Variants in GRIK3 observed in about 807,000 individuals in gnomAD.
The protein encoded by GRIK3 is glutamate ionotropic receptor kainate type subunit 3, also known as glutamate receptor ionotropic, kainate 3.
Under a neutral mutation model 102.5 loss-of-function variants are expected in GRIK3, and 29 were observed. That is an observed-to-expected ratio of 0.28 (90% CI 0.21 to 0.39). The LOEUF (loss-of-function observed/expected upper bound fraction) is 0.39, where lower values mean the gene tolerates loss of function less well. Ranked by LOEUF, GRIK3 falls within the 10% of genes least tolerant of loss-of-function variation. The pLI is 1.00. For missense variants in GRIK3, 908 were observed against 1,252.4 expected, an observed-to-expected ratio of 0.73 and a Z score of 4.15; for synonymous variants, 511 against 504.9, an observed-to-expected ratio of 1.01 and a Z score of -0.16.
intron 11 of GRIK3, among the ~76,000 whole-genome samples, chr1:36,822,085 C>T (rs1239058630): frequency 6.6e-6 from 1 of 152,218 alleles, no homozygotes; most frequent in Non-Finnish European, 1.5e-5. Context: ...CTGATGGGCA[C>T]TTAAGCTGTC....
chr1:37,016,811 A>G (rs1642656451), intron 1 of GRIK3, among the ~76,000 whole-genome samples: 1 of 152,180 alleles, frequency 6.6e-6, no homozygotes, highest in Admixed American at 6.5e-5. Flanking sequence ...AACCAATTAA[A>G]ATTAAAATGA....
At chr1:36,962,838 C>T (rs545803599) in intron 1 of GRIK3, among the ~76,000 whole-genome samples, 15 of 139,728 alleles carry the variant, frequency 1.1e-4, no homozygotes, top group African/African-American at 2.2e-4. Context: ...GAGCCGAGAT[C>T]GTGCCACTGC....
intron 1 of GRIK3, among the ~76,000 whole-genome samples, chr1:37,010,006 G>A (rs369589829): frequency 2.6e-5 from 4 of 152,286 alleles, no homozygotes; most frequent in South Asian, 2.1e-4. Flanking sequence ...CTAGAAAGAG[G>A]GGGGAGCAGA....
Position 36,826,622 on chromosome 1 carries a change from T to C in GRIK3, c.1531-796A>G, listed in dbSNP as rs113147131. 2.2e-3 allele frequency among the ~76,000 whole-genome samples: 339 copies of C among 151,110 alleles called. 5 individuals are homozygous for C. The highest frequency in any genetic ancestry group is 0.017 in the South Asian group (81 of 4,784). ...CTGGGAGGTAGAGGCTGCAGTGAGC[T>C]GTGATCGTGCCACTGCACTCCAGCC... is the stretch of plus-strand genomic sequence containing the variant. On this transcript the variant is annotated intron_variant, in intron 10 of 15. Coordinates refer to ENST00000373091, the MANE Select transcript of GRIK3 (RefSeq NM_000831.4).
chr1:36,881,945 C>T (rs949891016), intron 2 of GRIK3, among the ~76,000 whole-genome samples: 3 of 152,150 alleles, frequency 2.0e-5, no homozygotes, highest in African/African-American at 7.2e-5. Context: ...CCTATTTGCA[C>T]GTGCTGTCCT....
At chr1:36,935,872 C>A (rs1275669085) in intron 1 of GRIK3, among the ~76,000 whole-genome samples, 1 of 152,152 alleles carries the variant, frequency 6.6e-6, no homozygotes, top group Non-Finnish European at 1.5e-5. Flanking sequence ...ACCAATTAAT[C>A]GCAAATTGAT....
intron 11 of GRIK3, among the ~76,000 whole-genome samples, chr1:36,821,865 C>T (rs762056550): frequency 1.3e-5 from 2 of 152,166 alleles, no homozygotes; most frequent in Middle Eastern, 3.2e-3. Context: ...TGAGATCTCC[C>T]GAGTCCTGCT....
intron 1 of GRIK3, among the ~76,000 whole-genome samples, chr1:37,022,063 A>G (rs1642720347): frequency 6.6e-6 from 1 of 152,236 alleles, no homozygotes; most frequent in Non-Finnish European, 1.5e-5. Context: ...TGGAGGATGC[A>G]TATATTCCCA....
At chr1:36,959,883 C>G (rs1348204957) in intron 1 of GRIK3, among the ~76,000 whole-genome samples, 4 of 71,948 alleles carry the variant, frequency 5.6e-5, no homozygotes, top group African/African-American at 1.9e-4. Flanking sequence ...CCGTGTGCCC[C>G]ATGATTCTGT....
chr1:36,852,085 T>A (rs115238546), intron 8 of GRIK3, among the ~76,000 whole-genome samples: 1 of 152,166 alleles, frequency 6.6e-6, no homozygotes, highest in African/African-American at 2.4e-5. Context: ...GATCGCTTGA[T>A]GAGAACTCAT....
intron 13 of GRIK3, among the ~76,000 whole-genome samples, chr1:36,813,987 G>A (rs1176081120): frequency 6.6e-6 from 1 of 152,152 alleles, no homozygotes; most frequent in Non-Finnish European, 1.5e-5. Flanking sequence ...CAGGGGGTGT[G>A]GAGTTGTTGT....
intron 5 of GRIK3, 104 bp from the exon 6 acceptor site, chr1:36,860,121 T>A: frequency 1.2e-6 from 1 of 866,360 alleles, no homozygotes; most frequent in Non-Finnish European, 1.8e-6. Flanking sequence ...GGGCCTGAGG[T>A]CGCAGCTCCC....
At chr1:36,977,266 A>C (rs1557449269) in intron 1 of GRIK3, among the ~76,000 whole-genome samples, 1 of 152,228 alleles carries the variant, frequency 6.6e-6, no homozygotes, top group Non-Finnish European at 1.5e-5. Flanking sequence ...GCCTCTCCCA[A>C]ACCAGGTCCC....
At chr1:36,840,551 C>CAAAAAA in intron 10 of GRIK3, among the ~76,000 whole-genome samples, 1 of 73,320 alleles carries the variant, frequency 1.4e-5, no homozygotes, top group Non-Finnish European at 2.5e-5. Context: ...TGCTCTCCAC[C>CAAAAAA]AAAAAAAAAA....
intron 10 of GRIK3, among the ~76,000 whole-genome samples, chr1:36,834,499 G>A (rs540471336): frequency 6.6e-5 from 10 of 152,164 alleles, no homozygotes; most frequent in African/African-American, 1.2e-4. Flanking sequence ...TAGAAAATTC[G>A]TAAGTATCAA....
chr1:36,866,064 G>A (rs142836577), intron 5 of GRIK3, among the ~76,000 whole-genome samples: 261 of 152,274 alleles, frequency 1.7e-3, no homozygotes, highest in Admixed American at 2.7e-3. Context: ...TTTTATTTTT[G>A]TAGAGATAGG....
intron 1 of GRIK3, among the ~76,000 whole-genome samples, chr1:36,986,728 G>C (rs1027774413): frequency 2.6e-5 from 4 of 152,234 alleles, no homozygotes; most frequent in Non-Finnish European, 4.4e-5. Flanking sequence ...AGCTGAGGAA[G>C]GCCTGGCAGA....
At chr1:36,904,583 A>G (rs920663029) in intron 1 of GRIK3, among the ~76,000 whole-genome samples, 1 of 152,222 alleles carries the variant, frequency 6.6e-6, no homozygotes, top group Non-Finnish European at 1.5e-5. Context: ...GGTTTTTTAC[A>G]TAATATTGAA....
intron 10 of GRIK3, among the ~76,000 whole-genome samples, chr1:36,840,874 C>A (rs184872572): frequency 6.6e-6 from 1 of 152,358 alleles, no homozygotes; most frequent in East Asian, 1.9e-4. Flanking sequence ...TTGCTCACAG[C>A]ATCTTACCAG....
Sources: gnomAD v4.1 joint callset for allele counts (sites outside exome capture counted in the v4.1 genomes callset) on GRCh38, gnomAD v4.1.1 for gene constraint, MANE v1.5 for transcripts, NCBI Gene and HGNC (gene_info 2026-07-23, HGNC 2026-07-21) for gene names.